The following COL4A3 variants were observed in gnomAD, a reference collection of about 807,000 sequenced individuals.
The protein encoded by COL4A3 is collagen type IV alpha 3 chain.
A neutral mutation model predicts 217.4 loss-of-function variants in COL4A3; 135 were observed. The observed-to-expected ratio is 0.62, with a 90% CI of 0.54 to 0.72. The LOEUF is 0.72. Ranked by LOEUF, COL4A3 falls within the 30% of genes least tolerant of loss-of-function variation. COL4A3 has a pLI of 0.00. For missense variants in COL4A3, 1,868 were observed against 2,119.9 expected, an observed-to-expected ratio of 0.88 and a Z score of 2.33; for synonymous variants, 690 against 736.3, an observed-to-expected ratio of 0.94 and a Z score of 1.02.
At chr2:227,175,175 C>T (rs1295120143) in intron 1 of COL4A3, among the ~76,000 whole-genome samples, 1 of 151,982 alleles carries the variant, frequency 6.6e-6, no homozygotes, top group Non-Finnish European at 1.5e-5. Flanking sequence ...TCTGGGTTGT[C>T]AAAGAATAAA....
At chr2:227,166,826 C>T (rs1297163948) in intron 1 of COL4A3, among the ~76,000 whole-genome samples, 1 of 152,182 alleles carries the variant, frequency 6.6e-6, no homozygotes, top group Non-Finnish European at 1.5e-5. Flanking sequence ...TGTGCACCAA[C>T]ATGGCTCCCT....
intron 1 of COL4A3, among the ~76,000 whole-genome samples, chr2:227,213,248 A>G (rs2067394175): frequency 6.6e-6 from 1 of 152,154 alleles, no homozygotes; most frequent in African/African-American, 2.4e-5. Flanking sequence ...GTGGAGATCC[A>G]GAGAGGGTAC....
chr2:227,291,117 C>G, intron 37 of COL4A3: 1 of 516,126 alleles, frequency 1.9e-6, no homozygotes, highest in Non-Finnish European at 3.5e-6. Context: ...CTCACACTGT[C>G]TCTGCAATTT....
rs2073841340 is a variant in COL4A3, at chr2:227,314,576, T to G, written c.*2706T>G. 1 of 152,582 alleles carries G rather than the reference T, an allele frequency of 6.6e-6. No homozygotes were observed. The highest frequency in any genetic ancestry group is 2.4e-5 in the African/African-American group (1 of 41,452). The allele number at this position is 152,582 out of a possible 1,614,324, so 9.5% of individuals were successfully genotyped here. On this transcript the variant is annotated 3_prime_UTR_variant, in exon 52 of 52. Coordinates refer to ENST00000396578, the MANE Select transcript of COL4A3 (RefSeq NM_000091.5). ...TTACATTTGAACTTGATGGCTAACT[T>G]ACAAAGATTCTCTATGTATCAAATG...
intron 1 of COL4A3, among the ~76,000 whole-genome samples, chr2:227,226,957 C>T (rs1350903077): frequency 1.3e-5 from 2 of 152,168 alleles, no homozygotes; most frequent in African/African-American, 4.8e-5. Flanking sequence ...AAATAAATAT[C>T]CACAACATTT....
rs189530476 is a variant in COL4A3, at chr2:227,200,576, T to C, written c.87+35763T>C. Among the ~76,000 whole-genome samples the C allele has an allele frequency of 2.6e-5, 4 of 152,308 alleles. No homozygotes were observed. The East Asian group carries it at 7.7e-4, about 29-fold the overall frequency. ...CGCTGGTGCATGTTTCTAGTGTGCATTGGAGGCAGGACTCAAAAATCTGCT... is the reference window on the plus strand; with the variant it reads ...CGCTGGTGCATGTTTCTAGTGTGCACTGGAGGCAGGACTCAAAAATCTGCT... On this transcript the variant is annotated intron_variant, in intron 1 of 51. Coordinates refer to ENST00000396578, the MANE Select transcript of COL4A3 (RefSeq NM_000091.5).
rs1055962794 is a variant in COL4A3 at position 227,191,493 on chromosome 2, G to T, written c.87+26680G>T. On this transcript the variant is annotated intron_variant, in intron 1 of 51. Transcript: ENST00000396578. This position sits in a 1 kb window ranked among gnomAD's most constrained non-coding sequence, Gnocchi z 6.8. ...ACAAATGTTGAATGGCTCCATCCAC[G>T]GTGCATTTGTGGAGCTCCCCTGTTG... Among the ~76,000 whole-genome samples, 3 of 152,096 alleles carry T rather than the reference G, an allele frequency of 2.0e-5. No homozygotes were observed. Among genetic ancestry groups the T allele is most frequent in the Non-Finnish European group, 2.9e-5 (2 of 68,022 alleles).
chr2:227,251,307 C>G (rs368093591), intron 10 of COL4A3, 29 bp from the exon 11 acceptor site: 43 of 1,612,216 alleles, frequency 2.7e-5, no homozygotes, highest in Middle Eastern at 1.8e-4. Flanking sequence ...GCATTTCCTG[C>G]TGTGATTTTC....
intron 1 of COL4A3, among the ~76,000 whole-genome samples, chr2:227,186,642 G>T (rs2066043224): frequency 6.6e-6 from 1 of 152,302 alleles, no homozygotes; most frequent in East Asian, 1.9e-4. Flanking sequence ...ACCATCTGTA[G>T]ATGTTAATAG....
At chr2:227,193,928 A>G (rs1423660652) in intron 1 of COL4A3, among the ~76,000 whole-genome samples, 4 of 32,258 alleles carry the variant, frequency 1.2e-4, no homozygotes, top group African/African-American at 4.2e-4. Context: ...GAGAAGGAGA[A>G]GGGAAATAAG....
chr2:227,302,677 C>CAAAAAA lies in COL4A3; in HGVS notation c.3883-337_3883-332dup, dbSNP rs56065709. 1.3e-3 allele frequency among the ~76,000 whole-genome samples: 104 copies of CAAAAAA among 79,874 alleles called. 6 individuals are homozygous for CAAAAAA. Among genetic ancestry groups the CAAAAAA allele is most frequent in the African/African-American group, 2.2e-3 (33 of 15,330 alleles). The allele number at this position is 79,874 out of a possible 152,430, so 52.4% of individuals were successfully genotyped here. On this transcript the variant is annotated intron_variant, in intron 43 of 51. Transcript: ENST00000396578. ...GGAGGACAAAACGAGACTCTTTCTC[C>CAAAAAA]AAAAAAAAAAAAAAAAAAAAAAAAA... is the stretch of plus-strand genomic sequence containing the variant.
intron 8 of COL4A3, 24 bp from the exon 9 acceptor site, chr2:227,248,419 T>C: frequency 2.8e-6 from 4 of 1,425,948 alleles, no homozygotes; most frequent in Non-Finnish European, 4.0e-6. Flanking sequence ...TTGATGATGT[T>C]TGATGAACTT....
rs1425011498 is a variant in COL4A3 at position 227,312,321 on chromosome 2, G to T, written c.*451G>T. On this transcript the variant is annotated 3_prime_UTR_variant, in exon 52 of 52. Transcript: ENST00000396578. ...CAGACCCTGGGTAGGGGAAGAGAAG[G>T]GGGCATGTGGTATCCTGGAGCATTG... 1 of 238,166 alleles carries T rather than the reference G, an allele frequency of 4.2e-6. No homozygotes were observed. Among genetic ancestry groups the T allele is most frequent in the Non-Finnish European group, 8.3e-6 (1 of 120,556 alleles). 14.8% of individuals were successfully genotyped at this position (238,166 alleles called of 1,614,324 possible).
At chr2:227,202,754 T>A (rs1218964571) in intron 1 of COL4A3, among the ~76,000 whole-genome samples, 147 of 76,760 alleles carry the variant, frequency 1.9e-3, no homozygotes, top group South Asian at 2.9e-3. Flanking sequence ...AAAATATATA[T>A]ATATATATAT....
At chr2:227,183,222 T>C (rs2065912614) in intron 1 of COL4A3, among the ~76,000 whole-genome samples, 1 of 152,154 alleles carries the variant, frequency 6.6e-6, no homozygotes, top group Non-Finnish European at 1.5e-5. Flanking sequence ...AAATTGAAAA[T>C]GATTACGTTC....
intron 31 of COL4A3, among the ~76,000 whole-genome samples, chr2:227,281,977 A>G (rs1268850741): frequency 1.3e-5 from 2 of 152,172 alleles, no homozygotes; most frequent in East Asian, 3.9e-4. Flanking sequence ...CAGCCATAAA[A>G]TATTTCTAAA....
chr2:227,266,531 G>A, intron 22 of COL4A3, 22 bp downstream of exon 22: 2 of 1,567,794 alleles, frequency 1.3e-6, no homozygotes, highest in Non-Finnish European at 1.8e-6. Context: ...CAATAATGTT[G>A]TATTAGGATA....
At chr2:227,290,684 A>G (rs2072639586) in intron 36 of COL4A3, 63 bp from the exon 37 acceptor site, 2 of 1,551,702 alleles carry the variant, frequency 1.3e-6, no homozygotes, top group Non-Finnish European at 1.8e-6. Context: ...AAAACTGAAA[A>G]GTAGAAAACT....
chr2:227,283,507 G>A (rs1235616418), intron 32 of COL4A3, among the ~76,000 whole-genome samples: 2 of 152,194 alleles, frequency 1.3e-5, no homozygotes, highest in Non-Finnish European at 2.9e-5. Context: ...GGGCTGGGAG[G>A]ATGGAATGCT....
Sources: allele counts gnomAD v4.1 joint callset (sites outside exome capture counted in the v4.1 genomes callset), GRCh38; gene constraint gnomAD v4.1.1; non-coding constraint Gnocchi (gnomAD v3.1); transcripts MANE v1.5; gene names NCBI Gene and HGNC (gene_info 2026-07-23, HGNC 2026-07-21).